EGLN1: variants seen among roughly 807,000 people sequenced by gnomAD.
The protein encoded by EGLN1 is egl-9 family hypoxia inducible factor 1.
Under a neutral mutation model 38.3 loss-of-function variants are expected in EGLN1, and 17 were observed. The observed-to-expected ratio is 0.44, with a 90% CI of 0.30 to 0.67. The LOEUF (loss-of-function observed/expected upper bound fraction) is 0.67, where lower values mean the gene tolerates loss of function less well. Among genes scored for constraint, EGLN1 ranks in the 30% least tolerant of loss-of-function variants. The pLI is 0.08. For synonymous variants in EGLN1, 283 were observed against 257.5 expected, an observed-to-expected ratio of 1.10 and a Z score of -0.95; for missense variants, 477 against 603.3, an observed-to-expected ratio of 0.79 and a Z score of 2.19.
chr1:231,391,781 G>A (rs184952600), intron 1 of EGLN1, among the ~76,000 whole-genome samples: 137 of 151,890 alleles, frequency 9.0e-4, no homozygotes, highest in African/African-American at 3.2e-3. Flanking sequence ...ATAAAAAAGC[G>A]TTTATAGAAA....
chr1:231,392,243 C>T (rs923165773), intron 1 of EGLN1, among the ~76,000 whole-genome samples: 1 of 151,758 alleles, frequency 6.6e-6, no homozygotes. Context: ...GCCGAGATCG[C>T]GCCACTGCAC....
At chr1:231,377,562 C>G (rs1256433163) in intron 1 of EGLN1, among the ~76,000 whole-genome samples, 4 of 152,150 alleles carry the variant, frequency 2.6e-5, no homozygotes, top group African/African-American at 4.8e-5. Context: ...AATGGAAACA[C>G]TAGGTGAAAG....
chr1:231,399,366 G>C (rs2749710), intron 1 of EGLN1, among the ~76,000 whole-genome samples: 2 of 152,008 alleles, frequency 1.3e-5, no homozygotes, highest in East Asian at 3.9e-4. Flanking sequence ...CAGCTAATAT[G>C]TGGCAGGGGT....
intron 1 of EGLN1, among the ~76,000 whole-genome samples, chr1:231,407,785 G>A (rs999370941): frequency 6.6e-6 from 1 of 152,036 alleles, no homozygotes; most frequent in Admixed American, 6.5e-5. Flanking sequence ...AGTACCTGGA[G>A]TTAAAAATAG....
chr1:231,407,991 G>A (rs1185926005), intron 1 of EGLN1, among the ~76,000 whole-genome samples: 1 of 152,076 alleles, frequency 6.6e-6, no homozygotes, highest in Non-Finnish European at 1.5e-5. Context: ...GATCAGCTGA[G>A]GGCAGTTCAC....
chr1:231,390,094 C>G (rs1688328278), intron 1 of EGLN1, among the ~76,000 whole-genome samples: 1 of 152,192 alleles, frequency 6.6e-6, no homozygotes, highest in Non-Finnish European at 1.5e-5. Flanking sequence ...CCTAACTACC[C>G]TTGTCTGTTA....
intron 1 of EGLN1, among the ~76,000 whole-genome samples, chr1:231,400,588 G>A (rs1199458031): frequency 2.0e-5 from 3 of 152,128 alleles, no homozygotes; most frequent in Admixed American, 1.3e-4. Context: ...ATTTGTATAC[G>A]ATATCTGAAT....
intron 2 of EGLN1, 121 bp from the exon 3 acceptor site, chr1:231,370,819 A>G (rs577038014): frequency 1.8e-4 from 211 of 1,144,382 alleles, no homozygotes; most frequent in Admixed American, 3.8e-4. Context: ...ACGTCTCAAT[A>G]AAGTATGAAG....
intron 2 of EGLN1, among the ~76,000 whole-genome samples, chr1:231,370,968 C>A (rs944035987): frequency 1.3e-5 from 2 of 152,222 alleles, no homozygotes; most frequent in African/African-American, 4.8e-5. Flanking sequence ...CAGCTCACTG[C>A]AACCTCCGCC....
At chr1:231,370,123 T>C (rs1338108477) in intron 3 of EGLN1, among the ~76,000 whole-genome samples, 4 of 152,244 alleles carry the variant, frequency 2.6e-5, no homozygotes, top group Non-Finnish European at 5.9e-5. Flanking sequence ...TCACTTCTAC[T>C]CTCTGGTTAC....
chr1:231,419,096 C>T (rs1397775723), intron 1 of EGLN1, among the ~76,000 whole-genome samples: 2 of 152,120 alleles, frequency 1.3e-5, no homozygotes, highest in South Asian at 4.1e-4. Flanking sequence ...ATTTATAGAT[C>T]CTGAAGTTGC....
chr1:231,367,036 A>G (rs1396624314), intron 4 of EGLN1, among the ~76,000 whole-genome samples: 1 of 152,166 alleles, frequency 6.6e-6, no homozygotes, highest in Non-Finnish European at 1.5e-5. Flanking sequence ...TAATTAAAGG[A>G]TCTTCAGGTT....
intron 3 of EGLN1, among the ~76,000 whole-genome samples, chr1:231,370,310 G>T (rs1019170854): frequency 1.3e-5 from 2 of 152,210 alleles, no homozygotes; most frequent in Non-Finnish European, 2.9e-5. Context: ...AGATGGGAAG[G>T]CCTGTGCTTC....
intron 1 of EGLN1, among the ~76,000 whole-genome samples, chr1:231,397,968 C>G (rs1357792895): frequency 6.6e-6 from 1 of 152,160 alleles, no homozygotes; most frequent in African/African-American, 2.4e-5. Flanking sequence ...AAGCTACCTC[C>G]CCAAAGAACC....
chr1:231,414,394 G>T lies in EGLN1; in HGVS notation c.891+6604C>A, dbSNP rs562281633. 2.0e-3 allele frequency among the ~76,000 whole-genome samples: 297 copies of T among 152,192 alleles called. 3 individuals are homozygous for T. The highest frequency in any genetic ancestry group is 3.1e-3 in the Non-Finnish European group (210 of 68,010). On this transcript the variant is annotated intron_variant, in intron 1 of 4. Coordinates refer to ENST00000366641, the MANE Select transcript of EGLN1 (RefSeq NM_022051.3). ...GGCACAGGCTTCAGAAAACATGGAA[G>T]AAGAACAAAGATTTCAAGCCTGATG... is the stretch of plus-strand genomic sequence containing the variant.
chr1:231,416,635 G>C (rs1689090216), intron 1 of EGLN1, among the ~76,000 whole-genome samples: 1 of 151,846 alleles, frequency 6.6e-6, no homozygotes, highest in African/African-American at 2.4e-5. Context: ...CAAAATGCTG[G>C]GATTATAGGC....
intron 4 of EGLN1, 71 bp from the exon 5 acceptor site, chr1:231,366,546 A>G (rs916824412): frequency 7.1e-7 from 1 of 1,417,996 alleles, no homozygotes. Context: ...ACTGCATTCC[A>G]CTGAATTCCT....
At chr1:231,376,690 T>C (rs1266431874) in intron 1 of EGLN1, among the ~76,000 whole-genome samples, 1 of 152,160 alleles carries the variant, frequency 6.6e-6, no homozygotes, top group Non-Finnish European at 1.5e-5. Flanking sequence ...ATATATAATG[T>C]AATGTTAGGT....
chr1:231,369,073 C>T (rs1687744292), intron 3 of EGLN1, among the ~76,000 whole-genome samples: 1 of 152,166 alleles, frequency 6.6e-6, no homozygotes, highest in Non-Finnish European at 1.5e-5. Flanking sequence ...CCAGCCTTAT[C>T]ACCCATTCTA....
Sources: gnomAD v4.1 joint callset for allele counts (sites outside exome capture counted in the v4.1 genomes callset) on GRCh38, gnomAD v4.1.1 for gene constraint, MANE v1.5 for transcripts, NCBI Gene and HGNC (gene_info 2026-07-23, HGNC 2026-07-21) for gene names.